COG2: variants seen among roughly 807,000 people sequenced by gnomAD.
The protein encoded by COG2 is conserved oligomeric Golgi complex subunit 2.
A neutral mutation model predicts 90.6 loss-of-function variants in COG2; 52 were observed. The observed-to-expected ratio is 0.57, with a 90% CI of 0.46 to 0.72. The LOEUF is 0.72. Among genes scored for constraint, COG2 ranks in the 30% least tolerant of loss-of-function variants. The pLI is 0.00. For synonymous variants in COG2, 337 were observed against 320.4 expected, an observed-to-expected ratio of 1.05 and a Z score of -0.55; for missense variants, 829 against 891.2, an observed-to-expected ratio of 0.93 and a Z score of 0.89.
chr1:230,689,743 G>A (rs1193291213), intron 15 of COG2, among the ~76,000 whole-genome samples: 3 of 152,136 alleles, frequency 2.0e-5, no homozygotes, highest in African/African-American at 7.2e-5. Flanking sequence ...CCCTAGTTTC[G>A]GTGCCCTGAG....
At position 230,683,442 on chromosome 1, in the gene COG2, A is replaced by G. The variant is rs1662804008; in HGVS notation, c.1167-132A>G. On this transcript the variant is annotated intron_variant, in intron 10 of 17. Coordinates refer to ENST00000366669, the MANE Select transcript of COG2 (RefSeq NM_007357.3). ...AAAAAAAAAAAAAGCCTGGGAGAAT[A>G]GGCATTCCGAGGCTGGACTTACCAG... The G allele has an allele frequency of 2.9e-5, 16 of 543,634 alleles. No individual in the cohort carries two copies. The South Asian group carries it at 3.3e-4, about 11-fold the overall frequency. 33.7% of individuals were successfully genotyped at this position (543,634 alleles called of 1,614,324 possible).
At chr1:230,667,464 C>T (rs1662348621) in intron 5 of COG2, among the ~76,000 whole-genome samples, 2 of 152,150 alleles carry the variant, frequency 1.3e-5, no homozygotes, top group Admixed American at 6.5e-5. Flanking sequence ...CTGCACTCTT[C>T]CTTGCTCCGA....
chr1:230,678,374 A>G (rs1337573808), intron 9 of COG2: 5 of 985,284 alleles, frequency 5.1e-6, no homozygotes, highest in African/African-American at 3.5e-5. Flanking sequence ...AAATAAGACA[A>G]TTCTAATCAC....
At chr1:230,669,649 GTTC>G in intron 7 of COG2, 114 bp downstream of exon 7, 1 of 908,400 alleles carries the variant, frequency 1.1e-6, no homozygotes, top group African/African-American at 1.7e-5. Flanking sequence ...AAGATTCTCA[GTTC>G]CTACAGTACC....
intron 8 of COG2, among the ~76,000 whole-genome samples, chr1:230,673,639 T>G (rs1349883971): frequency 6.6e-6 from 1 of 152,228 alleles, no homozygotes; most frequent in Admixed American, 6.5e-5. Context: ...TTTTGTGCTT[T>G]CTTTCTCTAG....
chr1:230,657,792 C>A (rs1662098621), intron 1 of COG2, among the ~76,000 whole-genome samples: 1 of 151,828 alleles, frequency 6.6e-6, no homozygotes, highest in Non-Finnish European at 1.5e-5. Flanking sequence ...CTAATCTTGT[C>A]TTCTCACTTC....
chr1:230,647,504 G>A (rs1661816836), intron 1 of COG2, among the ~76,000 whole-genome samples: 2 of 152,158 alleles, frequency 1.3e-5, no homozygotes, highest in Non-Finnish European at 2.9e-5. Context: ...GCTGGCCTCT[G>A]CGGGCTTCAG....
intron 1 of COG2, among the ~76,000 whole-genome samples, chr1:230,645,763 G>A (rs559771778): frequency 6.6e-6 from 1 of 152,270 alleles, no homozygotes; most frequent in East Asian, 1.9e-4. Flanking sequence ...CCTGTCTGGG[G>A]GGTGATGGGA....
At chr1:230,652,502 G>T (rs1160117248) in intron 1 of COG2, among the ~76,000 whole-genome samples, 1 of 152,144 alleles carries the variant, frequency 6.6e-6, no homozygotes, top group Non-Finnish European at 1.5e-5. Flanking sequence ...TTAGAATAAG[G>T]CTGCTATAAA....
At chr1:230,671,491 T>TA (rs765306984) in intron 7 of COG2, 25 bp from the exon 8 acceptor site, 2 of 1,592,552 alleles carry the variant, frequency 1.3e-6, no homozygotes, top group Non-Finnish European at 8.5e-7. Flanking sequence ...AATGCTTTTT[T>TA]AAAAAATGAT....
At chr1:230,690,254 C>G (rs1283251216) in intron 16 of COG2, 101 bp downstream of exon 16, 16 of 967,154 alleles carry the variant, frequency 1.7e-5, no homozygotes, top group Non-Finnish European at 2.5e-5. Flanking sequence ...GGCAGTGAGA[C>G]TGCCTAGCAC....
chr1:230,675,275 T>C, intron 9 of COG2, 151 bp downstream of exon 9: 1 of 776,306 alleles, frequency 1.3e-6, no homozygotes, highest in Non-Finnish European at 1.9e-6. Context: ...AACACACACA[T>C]CGTTTTATCC....
intron 12 of COG2, among the ~76,000 whole-genome samples, chr1:230,686,228 G>T (rs1041099571): frequency 1.3e-5 from 2 of 152,228 alleles, no homozygotes; most frequent in Non-Finnish European, 2.9e-5. Flanking sequence ...AATCTAGTTT[G>T]TGTTTCCCTT....
intron 3 of COG2, among the ~76,000 whole-genome samples, chr1:230,662,239 G>T (rs1227226606): frequency 6.6e-6 from 1 of 152,110 alleles, no homozygotes; most frequent in Non-Finnish European, 1.5e-5. Flanking sequence ...CCGTAGACCT[G>T]TTCTTCCTTT....
At chr1:230,656,004 C>T (rs923207339) in intron 1 of COG2, among the ~76,000 whole-genome samples, 1 of 152,094 alleles carries the variant, frequency 6.6e-6, no homozygotes, top group African/African-American at 2.4e-5. Context: ...CTTTATTAGT[C>T]TGGCTAGAGG....
chr1:230,651,699 T>A (rs1661918783), intron 1 of COG2, among the ~76,000 whole-genome samples: 1 of 152,236 alleles, frequency 6.6e-6, no homozygotes, highest in African/African-American at 2.4e-5. Flanking sequence ...AATTCTTGAC[T>A]TCTTCCAGCT....
intron 6 of COG2, chr1:230,669,082 A>G (rs1191253883): frequency 6.6e-6 from 3 of 455,142 alleles, no homozygotes; most frequent in Non-Finnish European, 1.2e-5. Context: ...TTTTAAATCC[A>G]TGATGTTTCC....
intron 10 of COG2, 123 bp downstream of exon 10, chr1:230,679,175 C>A: frequency 3.2e-6 from 3 of 941,254 alleles, no homozygotes; most frequent in Non-Finnish European, 4.6e-6. Flanking sequence ...CTTTGGGAGA[C>A]AAAATTGAAA....
chr1:230,677,961 C>A, intron 9 of COG2: 1 of 958,630 alleles, frequency 1.0e-6, no homozygotes, highest in Non-Finnish European at 1.2e-6. Flanking sequence ...ACACCTAGAC[C>A]ACCCTCTGGG....
Sources: allele counts gnomAD v4.1 joint callset (sites outside exome capture counted in the v4.1 genomes callset), GRCh38; gene constraint gnomAD v4.1.1; transcripts MANE v1.5; gene names NCBI Gene and HGNC (gene_info 2026-07-23, HGNC 2026-07-21).